The following PDE9A variants were observed in gnomAD, a reference collection of about 807,000 sequenced individuals.
The protein encoded by PDE9A is high affinity cGMP-specific 3',5'-cyclic phosphodiesterase 9A.
A neutral mutation model predicts 87.4 loss-of-function variants in PDE9A; 60 were observed. That is an observed-to-expected ratio of 0.69 (90% confidence interval 0.56 to 0.85). The LOEUF is 0.85. Among genes scored for constraint, PDE9A ranks in the 40% least tolerant of loss-of-function variants. The pLI is 0.00. For synonymous variants in PDE9A, 272 were observed against 279.4 expected (o/e 0.97, Z 0.27); for missense variants, 665 against 779.0 (o/e 0.85, Z 1.74).
In PDE9A at chr21:42,675,573, C is replaced by G. The variant is rs540913606; in HGVS notation, c.70-10619C>G. ...GCACAAATACCGCCAACCTGCTTTC[C>G]GACAGCGCTGTGTGGATACACGGGC... On this transcript the variant is annotated intron_variant, in intron 1 of 19. Transcript: ENST00000291539. The surrounding 1 kb of genome is among the most constrained non-coding windows in gnomAD (Gnocchi z 4.3). 6.6e-6 allele frequency among the ~76,000 whole-genome samples: 1 copy of G among 152,238 alleles called. No individual in the cohort carries two copies. The highest frequency in any genetic ancestry group is 1.5e-5 in the Non-Finnish European group (1 of 68,044).
intron 3 of PDE9A, chr21:42,689,445 T>TG (rs1003204993): frequency 1.1e-5 from 8 of 712,130 alleles, no homozygotes; most frequent in Admixed American, 6.3e-5. Context: ...AGCTCCAGCC[T>TG]GGGGGGTCTC....
rs1602377912 is a variant in PDE9A at position 42,739,663 on chromosome 21, C to T, written c.569-4113C>T. Reference sequence around the variant, plus strand: ...AACTAGTGAAGCTGTGCTGTGTCACCCAGGAGGCTTAATTTTAACATCACC... The same window carrying T: ...AACTAGTGAAGCTGTGCTGTGTCACTCAGGAGGCTTAATTTTAACATCACC... On this transcript the variant is annotated intron_variant, in intron 7 of 19. Transcript: ENST00000291539. This position sits in a 1 kb window ranked among gnomAD's most constrained non-coding sequence, Gnocchi z 4.1. Among the ~76,000 whole-genome samples, 1 of 152,070 alleles carries T rather than the reference C, an allele frequency of 6.6e-6. No individual in the cohort carries two copies. The highest frequency in any genetic ancestry group is 2.1e-4 in the South Asian group (1 of 4,814).
intron 1 of PDE9A, among the ~76,000 whole-genome samples, chr21:42,654,148 T>C (rs1437256319): frequency 2.0e-5 from 3 of 152,106 alleles, no homozygotes; most frequent in African/African-American, 7.2e-5. Flanking sequence ...CTGATTAGGC[T>C]GAGTTTTTAC....
intron 4 of PDE9A, among the ~76,000 whole-genome samples, chr21:42,713,150 G>GTTTTTA (rs1221283615): frequency 1.3e-5 from 2 of 151,954 alleles, no homozygotes; most frequent in Non-Finnish European, 2.9e-5. Context: ...TTTTGTTTTT[G>GTTTTTA]TTTTGAGACA....
intron 1 of PDE9A, among the ~76,000 whole-genome samples, chr21:42,685,410 CT>C: frequency 6.6e-6 from 1 of 151,990 alleles, no homozygotes; most frequent in Non-Finnish European, 1.5e-5. Flanking sequence ...TGTGATTCCC[CT>C]CTTCGACTTC....
In PDE9A at chr21:42,754,032, A is replaced by G. The variant is rs754420036; in HGVS notation, c.778A>G (p.Thr260Ala). 19 of 1,613,262 alleles carry G rather than the reference A, an allele frequency of 1.2e-5. No individual in the cohort carries two copies. The highest frequency in any genetic ancestry group is 1.6e-5 in the Non-Finnish European group (19 of 1,179,618). ...GACCATCGAGGCCCTGCGGAAGCCG[A>G]CCTTTGACGTCTGGCTTTGGGAGCC... ...PETIEALRKP[T>A]FDVWLWEPNE... Residue 260 changes from threonine (T) to alanine (A), a missense_variant, in exon 10 of 20, where the codon ACC becomes GCC. Coordinates refer to ENST00000291539, the MANE Select transcript of PDE9A (RefSeq NM_002606.3).
At chr21:42,691,750 C>T (rs1175590744) in intron 3 of PDE9A, among the ~76,000 whole-genome samples, 2 of 151,568 alleles carry the variant, frequency 1.3e-5, no homozygotes, top group Non-Finnish European at 2.9e-5. Context: ...CACCATCATC[C>T]GAAGTCACCC....
In PDE9A at chr21:42,704,658, G is replaced by A. The variant is rs2048675267; in HGVS notation, c.262+5647G>A. Among the ~76,000 whole-genome samples, 1 of 151,966 alleles carries A rather than the reference G, an allele frequency of 6.6e-6. No homozygotes were observed. The highest frequency in any genetic ancestry group is 2.4e-5 in the African/African-American group (1 of 41,412). On this transcript the variant is annotated intron_variant, in intron 4 of 19. Coordinates refer to ENST00000291539, the MANE Select transcript of PDE9A (RefSeq NM_002606.3). The surrounding 1 kb of genome is among the most constrained non-coding windows in gnomAD (Gnocchi z 5.3). ...CGCCGCCCTGAGTTCTGGCCTGTAA[G>A]CAACCCCAGGTGCCCTTGTGAATCA... is the stretch of plus-strand genomic sequence containing the variant.
At chr21:42,737,631 T>C (rs905774662) in intron 7 of PDE9A, among the ~76,000 whole-genome samples, 1 of 152,186 alleles carries the variant, frequency 6.6e-6, no homozygotes, top group Non-Finnish European at 1.5e-5. Context: ...CTAATTTTTG[T>C]ATTTTTAGTA....
In PDE9A at chr21:42,675,994, C is replaced by A. The variant is rs1215959508; in HGVS notation, c.70-10198C>A. ...GGTGCTATCCTTGAGATAGTGAATTCTTGCAAGATCTGGTTGTTTATGTGT... is the reference window on the plus strand; with the variant it reads ...GGTGCTATCCTTGAGATAGTGAATTATTGCAAGATCTGGTTGTTTATGTGT... On this transcript the variant is annotated intron_variant, in intron 1 of 19. Coordinates refer to ENST00000291539, the MANE Select transcript of PDE9A (RefSeq NM_002606.3). This position sits in a 1 kb window ranked among gnomAD's most constrained non-coding sequence, Gnocchi z 4.3. Among the ~76,000 whole-genome samples, 4 of 152,136 alleles carry A rather than the reference C, an allele frequency of 2.6e-5. No individual in the cohort carries two copies. Among genetic ancestry groups the A allele is most frequent in the Non-Finnish European group, 4.4e-5 (3 of 68,038 alleles).
At chr21:42,740,162 G>A (rs1295929659) in intron 7 of PDE9A, among the ~76,000 whole-genome samples, 2 of 152,090 alleles carry the variant, frequency 1.3e-5, no homozygotes, top group East Asian at 3.9e-4. Flanking sequence ...GTAGAGGCTG[G>A]GTGCAGTGGC....
intron 19 of PDE9A, among the ~76,000 whole-genome samples, chr21:42,773,036 G>A (rs1191579783): frequency 3.3e-5 from 5 of 150,600 alleles, no homozygotes; most frequent in African/African-American, 4.9e-5. Flanking sequence ...CAAGGTGGGC[G>A]GATCACTTGA....
intron 1 of PDE9A, among the ~76,000 whole-genome samples, chr21:42,663,807 G>A (rs1329125269): frequency 6.6e-6 from 1 of 152,184 alleles, no homozygotes; most frequent in African/African-American, 2.4e-5. Flanking sequence ...ATTTCTTCCA[G>A]GTAGTCGTCT....
intron 4 of PDE9A, among the ~76,000 whole-genome samples, chr21:42,711,258 G>A (rs371838990): frequency 7.3e-6 from 1 of 136,486 alleles, no homozygotes; most frequent in South Asian, 2.3e-4. Flanking sequence ...AATAAGTTTT[G>A]TTTTTTTTTT....
chr21:42,708,700 G>T (rs746559063), intron 4 of PDE9A, among the ~76,000 whole-genome samples: 1 of 152,086 alleles, frequency 6.6e-6, no homozygotes, highest in Non-Finnish European at 1.5e-5. Flanking sequence ...GATTACAGGC[G>T]CATGCCACCA....
chr21:42,731,889 G>T lies in PDE9A; in HGVS notation c.382G>T (p.Val128Leu), dbSNP rs776478842. The change falls in exon 5 of 20, where the codon GTA becomes TTA. Residue 128 changes from valine (V) to leucine (L), a missense_variant. Physicochemically the swap from Val to Leu is conservative, Grantham distance 32. Coordinates refer to ENST00000291539, the MANE Select transcript of PDE9A (RefSeq NM_002606.3). Reference sequence around the variant, plus strand: ...GGAAGGAGCATTTGAAAGTGGACAGGTAGAGCCCAGGCCCAGAGAGCCCCA... The same window carrying T: ...GGAAGGAGCATTTGAAAGTGGACAGTTAGAGCCCAGGCCCAGAGAGCCCCA... The part of the protein sequence containing the change: ...RREGAFESGQ[V>L]EPRPREPQGC... The T allele has an allele frequency of 1.9e-6, 3 of 1,614,054 alleles. No homozygotes were observed. The African/African-American group carries it at 4.0e-5, about 22-fold the overall frequency.
At position 42,723,024 on chromosome 21, in the gene PDE9A, G is replaced by A. The variant is rs529310241; in HGVS notation, c.263-8746G>A. On this transcript the variant is annotated intron_variant, in intron 4 of 19. Transcript: ENST00000291539. This position sits in a 1 kb window ranked among gnomAD's most constrained non-coding sequence, Gnocchi z 4.3. The stretch of plus-strand genomic sequence containing the variant: ...GGGGCAGCCCCTGCCCTGGACACCC[G>A]TGAACACGGAGGCAGCCGTGTGAAC... Among the ~76,000 whole-genome samples the A allele has an allele frequency of 3.8e-4, 58 of 152,338 alleles. 1 individual carries two copies. Among genetic ancestry groups the A allele is most frequent in the African/African-American group, 1.3e-3 (55 of 41,574 alleles).
chr21:42,746,487 T>C (rs2053861670), intron 8 of PDE9A, among the ~76,000 whole-genome samples: 1 of 152,108 alleles, frequency 6.6e-6, no homozygotes, highest in Non-Finnish European at 1.5e-5. Flanking sequence ...CACCTGGTGC[T>C]CCCATCCGTT....
Position 42,660,145 on chromosome 21 carries a change from G to T in PDE9A, c.69+6262G>T, listed in dbSNP as rs1409459028. ...CTCACCCAATCACCTGCTCCCCTGG[G>T]TGCAGGTGACCCAGCAAGCCGCACT... On this transcript the variant is annotated intron_variant, in intron 1 of 19. Transcript: ENST00000291539. The surrounding 1 kb of genome is among the most constrained non-coding windows in gnomAD (Gnocchi z 4.7). Among the ~76,000 whole-genome samples, 1 of 152,166 alleles carries T rather than the reference G, an allele frequency of 6.6e-6. No individual in the cohort carries two copies. The highest frequency in any genetic ancestry group is 2.4e-5 in the African/African-American group (1 of 41,450).
Sources: gnomAD v4.1 joint callset for allele counts (sites outside exome capture counted in the v4.1 genomes callset) on GRCh38, gnomAD v4.1.1 for gene constraint, Gnocchi (gnomAD v3.1) non-coding constraint, MANE v1.5 for transcripts, NCBI Gene and HGNC (gene_info 2026-07-23, HGNC 2026-07-21) for gene names.